Variants in CLEC6A observed in about 807,000 individuals in gnomAD.
The protein encoded by CLEC6A is C-type lectin domain containing 6A, also known as C-type lectin domain family 6 member A.
Under a neutral mutation model 25.7 loss-of-function variants are expected in CLEC6A, and 22 were observed. The ratio of observed to expected loss-of-function variants is 0.85; its 90% CI spans 0.61 to 1.22. The LOEUF (loss-of-function observed/expected upper bound fraction) is 1.22. Ranked by LOEUF, CLEC6A falls within the 50% of genes most tolerant of loss-of-function variation. The pLI, the probability that CLEC6A is intolerant of heterozygous loss-of-function variation, is 0.00. For synonymous variants in CLEC6A, 92 were observed against 76.7 expected (o/e 1.20, Z -1.04); for missense variants, 240 against 236.8 (o/e 1.01, Z -0.09).
chr12:8,460,716 C>G, intron 3 of CLEC6A: 1 of 1,473,028 alleles, frequency 6.8e-7, no homozygotes, highest in Non-Finnish European at 9.5e-7. Flanking sequence ...ACCGCCAGCT[C>G]TCTGCTCTCC....
At chr12:8,461,159 A>C (rs757381321) in intron 3 of CLEC6A, 9 of 1,386,716 alleles carry the variant, frequency 6.5e-6, no homozygotes, top group Non-Finnish European at 9.1e-6. Context: ...CATAAGTTCC[A>C]CCACACTATT....
chr12:8,469,491 A>T (rs924991511), intron 4 of CLEC6A, among the ~76,000 whole-genome samples: 1 of 152,154 alleles, frequency 6.6e-6, no homozygotes. Context: ...AAGACTAAGC[A>T]AAAAGAACAG....
chr12:8,461,116 G>A, intron 3 of CLEC6A: 1 of 1,593,202 alleles, frequency 6.3e-7, no homozygotes, highest in African/African-American at 1.3e-5. Context: ...GCTGACATCT[G>A]CAGGCTGAAA....
At chr12:8,474,265 G>A (rs934577850) in intron 4 of CLEC6A, among the ~76,000 whole-genome samples, 11 of 152,038 alleles carry the variant, frequency 7.2e-5, no homozygotes, top group African/African-American at 2.7e-4. Context: ...AAAGGTAGGG[G>A]TTCAGATTTA....
At chr12:8,462,631 C>T (rs1024752538) in intron 3 of CLEC6A, among the ~76,000 whole-genome samples, 1 of 143,078 alleles carries the variant, frequency 7.0e-6, no homozygotes, top group African/African-American at 2.5e-5. Flanking sequence ...GATGCAGATA[C>T]CTTTGTTCAC....
At chr12:8,459,375 C>G (rs1939721601) in intron 2 of CLEC6A, among the ~76,000 whole-genome samples, 1 of 151,740 alleles carries the variant, frequency 6.6e-6, no homozygotes, top group South Asian at 2.1e-4. Context: ...AGCATGGAGC[C>G]TAAATTCTAG....
At chr12:8,461,488 G>A (rs1351196354) in intron 3 of CLEC6A, among the ~76,000 whole-genome samples, 1 of 152,158 alleles carries the variant, frequency 6.6e-6, no homozygotes, top group African/African-American at 2.4e-5. Flanking sequence ...ATATCCATCT[G>A]GCATAAGAGA....
chr12:8,462,057 C>T lies in CLEC6A; in HGVS notation c.223+2359C>T, dbSNP rs750460936. 3.9e-5 allele frequency among the ~76,000 whole-genome samples: 6 copies of T among 152,280 alleles called. No homozygotes were observed. The East Asian group carries it at 1.2e-3, about 29-fold the overall frequency. On this transcript the variant is annotated intron_variant, in intron 3 of 5. Transcript: ENST00000382073. Reference sequence around the variant, plus strand: ...GCCTTGAGATGCTGTTAATCTGTAGCCTTACCCCCAACCCCGTGCTCTCTG... The same window carrying T: ...GCCTTGAGATGCTGTTAATCTGTAGTCTTACCCCCAACCCCGTGCTCTCTG...
rs150205108 is a variant in CLEC6A at position 8,456,118 on chromosome 12, C to T, written c.7C>T (p.Gln3Ter). The change falls in exon 1 of 6, where the codon CAA (glutamine) becomes TAA (stop). Residue 3 changes from glutamine to a stop codon, truncating the protein, a stop_gained. Transcript: ENST00000382073. LOFTEE classifies it high-confidence loss of function. ...AACACAGGGAGCCTGCATAATGATGCAAGAGCAGCAACCTCAAAGTACAGG... is the reference window on the plus strand; with the variant it reads ...AACACAGGGAGCCTGCATAATGATGTAAGAGCAGCAACCTCAAAGTACAGG... MM[Q>*]EQQPQSTEKR... 6.2e-7 allele frequency: 1 copy of T among 1,613,742 alleles called. No homozygotes were observed. The highest frequency in any genetic ancestry group is 8.5e-7 in the Non-Finnish European group (1 of 1,179,826).
Position 8,477,444 on chromosome 12 carries a change from A to C in CLEC6A, c.610A>C (p.Met204Leu). ...CETRRNSICE[M>L]NKIYL ...AACTAGAAGGAATTCAATATGTGAG[A>C]TGAATAAGATTTACCTATGAGTAGA... The change falls in exon 6 of 6, where the codon ATG (methionine) becomes CTG (leucine). Residue 204 changes from methionine to leucine, a missense_variant. Coordinates refer to ENST00000382073, the MANE Select transcript of CLEC6A (RefSeq NM_001007033.2). 3.1e-6 allele frequency: 5 copies of C among 1,608,396 alleles called. No homozygotes were observed. Among genetic ancestry groups the C allele is most frequent in the Non-Finnish European group, 4.2e-6 (5 of 1,177,418 alleles).
intron 4 of CLEC6A, among the ~76,000 whole-genome samples, chr12:8,466,441 T>C (rs7312686): frequency 0.77 from 117,555 of 152,058 alleles, 45,902 homozygotes; most frequent in East Asian, 0.99. Context: ...GTTCTATTTT[T>C]AATTTTTTGA....
In CLEC6A at chr12:8,465,514, C is replaced by A. The variant is rs1431536983; in HGVS notation, c.254C>A (p.Ser85Ter). The change falls in exon 4 of 6, where the codon TCA becomes TAA. Residue 85 changes from serine to a stop codon, truncating the protein, a stop_gained. Transcript: ENST00000382073. LOFTEE classifies it high-confidence loss of function. ...GGATGTTGCCCAGCTTCTTGGAAGT[C>A]ATTTGGTTCCAGTTGCTACTTCATT... ...AWGCCPASWK[S>*]FGSSCYFISS... 3 of 1,613,932 alleles carry A rather than the reference C, an allele frequency of 1.9e-6. No individual in the cohort carries two copies. The highest frequency in any genetic ancestry group is 2.5e-6 in the Non-Finnish European group (3 of 1,179,952).
intron 4 of CLEC6A, among the ~76,000 whole-genome samples, chr12:8,472,004 T>A (rs1488412276): frequency 6.6e-6 from 1 of 152,188 alleles, no homozygotes; most frequent in Non-Finnish European, 1.5e-5. Flanking sequence ...AGATTTATTT[T>A]GTTCCTTTAA....
intron 1 of CLEC6A, 147 bp downstream of exon 1, chr12:8,456,289 T>A: frequency 1.3e-6 from 1 of 754,132 alleles, no homozygotes; most frequent in Non-Finnish European, 2.2e-6. Flanking sequence ...AAAGAGTAAT[T>A]CTTCAGAGCC....
At position 8,476,198 on chromosome 12, in the gene CLEC6A, A is replaced by C. The variant is rs1939972076; in HGVS notation, c.443A>C (p.Asn148Thr). ...CTTTCAGACCCACAAGGTAATAATA[A>C]TTGGCAATGGATTGATAAGACACCT... is the stretch of plus-strand genomic sequence containing the variant. Reference protein sequence around the residue: ...LGLSDPQGNNNWQWIDKTPYE... With the variant: ...LGLSDPQGNNTWQWIDKTPYE... Residue 148 changes from asparagine to threonine, a missense_variant, in exon 5 of 6, where the codon AAT becomes ACT. Physicochemically the swap from Asn to Thr is moderately conservative, Grantham distance 65 (BLOSUM62 0). Transcript: ENST00000382073. The C allele has an allele frequency of 6.2e-7, 1 of 1,609,328 alleles. No homozygotes were observed. The highest frequency in any genetic ancestry group is 2.2e-5 in the East Asian group (1 of 44,850).
At chr12:8,457,367 C>T (rs181607415) in intron 1 of CLEC6A, among the ~76,000 whole-genome samples, 21 of 152,298 alleles carry the variant, frequency 1.4e-4, no homozygotes, top group Admixed American at 1.0e-3. Flanking sequence ...ACACGATGTC[C>T]TCTGGTTCCA....
chr12:8,459,368 A>G (rs4623977), intron 2 of CLEC6A, among the ~76,000 whole-genome samples: 111,805 of 151,988 alleles, frequency 0.74, 41,809 homozygotes, highest in East Asian at 0.99. Flanking sequence ...GTCCAAGAGC[A>G]TGGAGCCTAA....
chr12:8,477,308 G>A lies in CLEC6A; in HGVS notation c.486-12G>A, dbSNP rs1434566110. The A allele has an allele frequency of 6.3e-7, 1 of 1,596,320 alleles. No individual in the cohort carries two copies. Among genetic ancestry groups the A allele is most frequent in the East Asian group, 2.2e-5 (1 of 44,508 alleles). On this transcript the variant is annotated splice_polypyrimidine_tract_variant and intron_variant, in intron 5 of 5. Transcript: ENST00000382073. Reference sequence around the variant, plus strand: ...CTTTGAAGATGTGTACTACCTTTTTGTTTTCCTTTAGATTTTGGCACCTAG... The same window carrying A: ...CTTTGAAGATGTGTACTACCTTTTTATTTTCCTTTAGATTTTGGCACCTAG...
intron 3 of CLEC6A, among the ~76,000 whole-genome samples, chr12:8,460,325 T>C (rs1939735847): frequency 6.6e-6 from 1 of 152,182 alleles, no homozygotes; most frequent in Admixed American, 6.5e-5. Flanking sequence ...GAAAGTCACA[T>C]CTCACATGGC....
Sources: gnomAD v4.1 joint callset for allele counts (sites outside exome capture counted in the v4.1 genomes callset) on GRCh38, gnomAD v4.1.1 for gene constraint, MANE v1.5 for transcripts, NCBI Gene and HGNC (gene_info 2026-07-23, HGNC 2026-07-21) for gene names.